The following ZFPM2 variants were observed in gnomAD, a reference collection of about 807,000 sequenced individuals.
ZFPM2 encodes the protein zinc finger protein, FOG family member 2, also known as zinc finger protein ZFPM2.
Under a neutral mutation model 98.6 loss-of-function variants are expected in ZFPM2, and 20 were observed. That is an observed-to-expected ratio of 0.20 (90% CI 0.14 to 0.29). ZFPM2 has a LOEUF of 0.29. Among genes scored for constraint, ZFPM2 ranks in the 10% least tolerant of loss-of-function variants. The pLI is 1.00. For missense variants in ZFPM2, 1,310 were observed against 1,388.6 expected, an observed-to-expected ratio of 0.94 and a Z score of 0.90; for synonymous variants, 518 against 502.7, an observed-to-expected ratio of 1.03 and a Z score of -0.41.
At chr8:105,649,829 G>A (rs576788155) in intron 5 of ZFPM2, among the ~76,000 whole-genome samples, 5 of 152,130 alleles carry the variant, frequency 3.3e-5, no homozygotes, top group South Asian at 2.1e-4. Flanking sequence ...CAAGGATATT[G>A]GTCTAAAATT....
At chr8:105,734,315 G>C (rs1452020754) in intron 5 of ZFPM2, among the ~76,000 whole-genome samples, 2 of 151,876 alleles carry the variant, frequency 1.3e-5, no homozygotes, top group Admixed American at 1.3e-4. Flanking sequence ...TTTATAAGTA[G>C]TTTTACGTAT....
intron 1 of ZFPM2, among the ~76,000 whole-genome samples, 156 bp from the exon 2 acceptor site, chr8:105,418,988 C>T (rs990337335): frequency 2.6e-5 from 4 of 152,010 alleles, no homozygotes; most frequent in African/African-American, 4.8e-5. Flanking sequence ...CTTGTATATA[C>T]GGATGTGGCA....
chr8:105,716,805 T>C (rs1362898649), intron 5 of ZFPM2, among the ~76,000 whole-genome samples: 1 of 152,002 alleles, frequency 6.6e-6, no homozygotes, highest in Non-Finnish European at 1.5e-5. Context: ...CCAGAGGTTT[T>C]CAAGAGTACA....
chr8:105,606,446 G>C (rs1269302127), intron 4 of ZFPM2, among the ~76,000 whole-genome samples: 1 of 151,996 alleles, frequency 6.6e-6, no homozygotes, highest in Non-Finnish European at 1.5e-5. Context: ...TCTGAATTCT[G>C]TCACTGCTGA....
chr8:105,711,634 T>C (rs1811402001), intron 5 of ZFPM2, among the ~76,000 whole-genome samples: 1 of 152,046 alleles, frequency 6.6e-6, no homozygotes, highest in African/African-American at 2.4e-5. Flanking sequence ...CAAGGAGAAA[T>C]AAGTTCGAGT....
chr8:105,730,938 G>A (rs1168577897), intron 5 of ZFPM2, among the ~76,000 whole-genome samples: 1 of 151,528 alleles, frequency 6.6e-6, no homozygotes, highest in East Asian at 2.0e-4. Context: ...TATGTCTGGA[G>A]GGTTAAGGAC....
chr8:105,530,653 C>A (rs1814278332), intron 3 of ZFPM2, among the ~76,000 whole-genome samples: 2 of 152,114 alleles, frequency 1.3e-5, no homozygotes, highest in African/African-American at 2.4e-5. Context: ...GGACACAAAT[C>A]TTATTGGATT....
At chr8:105,438,820 G>C (rs1430130253) in intron 2 of ZFPM2, among the ~76,000 whole-genome samples, 1 of 152,134 alleles carries the variant, frequency 6.6e-6, no homozygotes, top group Non-Finnish European at 1.5e-5. Context: ...CATGAAGGTA[G>C]AACTCCAAAA....
At chr8:105,706,429 G>A (rs936527133) in intron 5 of ZFPM2, among the ~76,000 whole-genome samples, 2 of 152,002 alleles carry the variant, frequency 1.3e-5, no homozygotes, top group Non-Finnish European at 2.9e-5. Context: ...AATGCTCAAA[G>A]GATTACTCTA....
chr8:105,636,242 G>C (rs533442274), intron 5 of ZFPM2, among the ~76,000 whole-genome samples: 2 of 152,172 alleles, frequency 1.3e-5, no homozygotes, highest in Admixed American at 1.3e-4. Flanking sequence ...TATGTTTAGT[G>C]GAGTATGCTA....
chr8:105,682,647 T>C (rs1315510215), intron 5 of ZFPM2, among the ~76,000 whole-genome samples: 2 of 152,004 alleles, frequency 1.3e-5, no homozygotes, highest in African/African-American at 4.8e-5. Context: ...AGTTAGAAAA[T>C]TACTACAATA....
At chr8:105,628,317 A>G (rs1038229373) in intron 4 of ZFPM2, among the ~76,000 whole-genome samples, 3 of 152,192 alleles carry the variant, frequency 2.0e-5, no homozygotes, top group Admixed American at 2.0e-4. Context: ...ATCTGATTTT[A>G]TAAGCAGGAA....
At chr8:105,473,761 G>C (rs1257912911) in intron 3 of ZFPM2, among the ~76,000 whole-genome samples, 1 of 152,180 alleles carries the variant, frequency 6.6e-6, no homozygotes, top group African/African-American at 2.4e-5. Context: ...AAAGTACTTT[G>C]TATTAATACA....
chr8:105,453,566 T>A (rs1281840631), intron 3 of ZFPM2, among the ~76,000 whole-genome samples: 1 of 152,178 alleles, frequency 6.6e-6, no homozygotes, highest in Non-Finnish European at 1.5e-5. Flanking sequence ...CTTCAAAAGT[T>A]ATCAACTTTT....
intron 3 of ZFPM2, among the ~76,000 whole-genome samples, chr8:105,450,495 A>C (rs1301934635): frequency 6.6e-6 from 1 of 152,142 alleles, no homozygotes; most frequent in Non-Finnish European, 1.5e-5. Context: ...GAAATCCTAG[A>C]ATGACTGTGT....
At chr8:105,789,084 T>C in intron 6 of ZFPM2, 160 bp downstream of exon 6, 1 of 643,504 alleles carries the variant, frequency 1.6e-6, no homozygotes, top group Non-Finnish European at 2.5e-6. Context: ...GAGAAAATGA[T>C]GTTACTTTTT....
intron 3 of ZFPM2, among the ~76,000 whole-genome samples, chr8:105,488,030 C>T (rs1020775006): frequency 6.6e-6 from 1 of 151,580 alleles, no homozygotes; most frequent in Non-Finnish European, 1.5e-5. Context: ...TCCCATGTAC[C>T]TCTGCCCCAA....
In ZFPM2 at chr8:105,332,630, G is replaced by A. The variant is rs560764039; in HGVS notation, c.40+13649G>A. On this transcript the variant is annotated intron_variant, in intron 1 of 7. Transcript: ENST00000407775. ...AGACCATGGTCTCTCCCTTCAATTAGTGCATTACATAGTAAGTACACTATG... is the reference window on the plus strand; with the variant it reads ...AGACCATGGTCTCTCCCTTCAATTAATGCATTACATAGTAAGTACACTATG... Among the ~76,000 whole-genome samples the A allele has an allele frequency of 3.3e-5, 5 of 151,740 alleles. No individual in the cohort carries two copies. The South Asian group carries it at 1.0e-3, about 31-fold the overall frequency.
intron 4 of ZFPM2, among the ~76,000 whole-genome samples, chr8:105,633,701 T>C (rs773511374): frequency 6.6e-5 from 10 of 152,192 alleles, no homozygotes; most frequent in Non-Finnish European, 1.5e-4. Context: ...ATTAGCATTA[T>C]TATTATTTCA....
Sources: allele counts gnomAD v4.1 joint callset (sites outside exome capture counted in the v4.1 genomes callset), GRCh38; gene constraint gnomAD v4.1.1; transcripts MANE v1.5; gene names NCBI Gene and HGNC (gene_info 2026-07-23, HGNC 2026-07-21).